ASB13: variants seen among roughly 807,000 people sequenced by gnomAD.
ASB13 encodes ankyrin repeat and SOCS box containing 13.
Under a neutral mutation model 28.8 loss-of-function variants are expected in ASB13, and 33 were observed. The ratio of observed to expected loss-of-function variants is 1.15; its 90% CI spans 0.87 to 1.53. ASB13 has a LOEUF of 1.53. Among genes scored for constraint, ASB13 ranks in the 40% most tolerant of loss-of-function variants. The probability of loss-of-function intolerance (pLI) is 0.00; values close to 1 mark genes in which losing one functional copy is unlikely to be tolerated. For missense variants in ASB13, 414 were observed against 390.1 expected, an observed-to-expected ratio of 1.06 and a Z score of -0.52; for synonymous variants, 182 against 172.9, an observed-to-expected ratio of 1.05 and a Z score of -0.41.
chr10:5,651,252 G>C lies in ASB13; in HGVS notation c.343C>G (p.Leu115Val). ...LSYGAKVNPP[L>V]YTASPLHEAC... ...TCGTGCAGGGGGGACGCTGTGTACAGGGGAGGGTTGACCTTGGCCCCGTAG... is the reference window on the plus strand; with the variant it reads ...TCGTGCAGGGGGGACGCTGTGTACACGGGAGGGTTGACCTTGGCCCCGTAG... The change falls in exon 3 of 6, where the codon CTG becomes GTG. Residue 115 changes from leucine (L) to valine (V), a missense_variant. Transcript: ENST00000357700. The surrounding 1 kb of genome is among the most constrained non-coding windows in gnomAD (Gnocchi z 5.1). 1.2e-6 allele frequency: 2 copies of C among 1,614,110 alleles called. No individual in the cohort carries two copies. Among genetic ancestry groups the C allele is most frequent in the Non-Finnish European group, 8.5e-7 (1 of 1,179,996 alleles).
rs764472515 is a variant in ASB13, at chr10:5,641,904, A to T, written c.575T>A (p.Val192Asp). 5.6e-6 allele frequency: 9 copies of T among 1,613,700 alleles called. No homozygotes were observed. The South Asian group carries it at 9.9e-5, about 18-fold the overall frequency. ...CATCTCGATGAGGTCAACATTCTTG[A>T]CCTTGGCCGCGTGGTGAAGGGCAGT... Reference protein sequence around the residue: ...HETALHHAAKVKNVDLIEMLI... With the variant: ...HETALHHAAKDKNVDLIEMLI... The change falls in exon 5 of 6, where the codon GTC becomes GAC. Residue 192 changes from valine (V) to aspartate (D), a missense_variant. Val to Asp is a radical substitution (Grantham distance 152, BLOSUM62 -3). Coordinates refer to ENST00000357700, the MANE Select transcript of ASB13 (RefSeq NM_024701.4). This position sits in a 1 kb window ranked among gnomAD's most constrained non-coding sequence, Gnocchi z 8.4.
At position 5,659,468 on chromosome 10, in the gene ASB13, C is replaced by T. The variant is rs867585034; in HGVS notation, c.44-6418G>A. On this transcript the variant is annotated intron_variant, in intron 1 of 5. Transcript: ENST00000357700. The surrounding 1 kb of genome is among the most constrained non-coding windows in gnomAD (Gnocchi z 5.8). ...CCAGGCTCCCCGTCATGCACACAGC[C>T]GTGTCCAGTGACACCAAACTCTACC... is the stretch of plus-strand genomic sequence containing the variant. Among the ~76,000 whole-genome samples the T allele has an allele frequency of 6.6e-6, 1 of 152,180 alleles. No homozygotes were observed. The highest frequency in any genetic ancestry group is 1.5e-5 in the Non-Finnish European group (1 of 68,024).
In ASB13 at chr10:5,651,316, G is replaced by A. The variant is rs775589907; in HGVS notation, c.279C>T (p.Cys93=). 25 of 1,613,478 alleles carry A rather than the reference G, an allele frequency of 1.5e-5. No individual in the cohort carries two copies. The highest frequency in any genetic ancestry group is 4.5e-5 in the East Asian group (2 of 44,850). Residue 93 remains cysteine (C), a synonymous_variant, in exon 3 of 6, where the codon TGC becomes TGT. Coordinates refer to ENST00000357700, the MANE Select transcript of ASB13 (RefSeq NM_024701.4). This position sits in a 1 kb window ranked among gnomAD's most constrained non-coding sequence, Gnocchi z 5.1. ...IDGSTPLCDA[C]ASGSIECVKL... ...TCACACACTCGATGCTGCCCGAGGC[G>A]CAGGCATCGCAGAGCGGGGTGCTGC...
chr10:5,658,656 C>T lies in ASB13; in HGVS notation c.44-5606G>A, dbSNP rs1014895509. Among the ~76,000 whole-genome samples, 2 of 152,146 alleles carry T rather than the reference C, an allele frequency of 1.3e-5. No individual in the cohort carries two copies. Among genetic ancestry groups the T allele is most frequent in the Non-Finnish European group, 2.9e-5 (2 of 68,024 alleles). ...TGTTACACAAAAATGTAAATGTACT[C>T]AACCCTACTGAAGTGGACACTTGAA... On this transcript the variant is annotated intron_variant, in intron 1 of 5. Coordinates refer to ENST00000357700, the MANE Select transcript of ASB13 (RefSeq NM_024701.4). The surrounding 1 kb of genome is among the most constrained non-coding windows in gnomAD (Gnocchi z 4.2).
At position 5,648,359 on chromosome 10, in the gene ASB13, G is replaced by C. The variant is rs539444927; in HGVS notation, c.517+611C>G. Among the ~76,000 whole-genome samples the C allele has an allele frequency of 1.5e-3, 127 of 83,344 alleles. 23 individuals carry two copies. The highest frequency in any genetic ancestry group is 2.1e-3 in the Non-Finnish European group (73 of 35,128). 54.7% of individuals were successfully genotyped at this position (83,344 alleles called of 152,430 possible). A position where few individuals can be genotyped will look rare whatever the true frequency, so the allele number is the denominator to read the frequency against. ...AACACCCACGTGGGCAACACCCACG[G>C]GGGTAAACACCCATGCAGGCAAACA... On this transcript the variant is annotated intron_variant, in intron 4 of 5. Transcript: ENST00000357700.
At position 5,664,585 on chromosome 10, in the gene ASB13, G is replaced by A. The variant is rs761159076; in HGVS notation, c.43+1924C>T. Among the ~76,000 whole-genome samples, 12 of 152,250 alleles carry A rather than the reference G, an allele frequency of 7.9e-5. No individual in the cohort carries two copies. The highest frequency in any genetic ancestry group is 1.3e-4 in the Non-Finnish European group (9 of 68,016). ...TCTACTGGAGGACCCTGGGGGGAAC[G>A]TACGGGGGAGTGGGGGAGCAGCCAG... is the stretch of plus-strand genomic sequence containing the variant. On this transcript the variant is annotated intron_variant, in intron 1 of 5. Transcript: ENST00000357700. This position sits in a 1 kb window ranked among gnomAD's most constrained non-coding sequence, Gnocchi z 4.2.
At chr10:5,662,532 A>AGTGGG (rs1238318808) in intron 1 of ASB13, among the ~76,000 whole-genome samples, 4 of 17,620 alleles carry the variant, frequency 2.3e-4, no homozygotes, top group East Asian at 1.1e-3. Flanking sequence ...TCTGTCGAGA[A>AGTGGG]GGGGGGGGGA....
At position 5,642,383 on chromosome 10, in the gene ASB13, G is replaced by A. The variant is rs1834822527; in HGVS notation, c.518-422C>T. The A allele has an allele frequency of 7.0e-6, 5 of 712,786 alleles. No individual in the cohort carries two copies. The South Asian group carries it at 7.4e-5, about 11-fold the overall frequency. 44.2% of individuals were successfully genotyped at this position (712,786 alleles called of 1,614,324 possible). On this transcript the variant is annotated intron_variant, in intron 4 of 5. Transcript: ENST00000357700. The surrounding 1 kb of genome is among the most constrained non-coding windows in gnomAD (Gnocchi z 4.1). The stretch of plus-strand genomic sequence containing the variant: ...CTGCTTCTTCCTCTTGCGGGCCCAG[G>A]ACGGAGGCTCCAGAAATACTGGTTG...
intron 4 of ASB13, among the ~76,000 whole-genome samples, chr10:5,646,599 A>G (rs1232934913): frequency 6.6e-6 from 1 of 152,224 alleles, no homozygotes; most frequent in Non-Finnish European, 1.5e-5. Flanking sequence ...CCTCCGGTCC[A>G]GCCGCCCCTA....
At position 5,660,637 on chromosome 10, in the gene ASB13, G is replaced by C. The variant is rs1835145274; in HGVS notation, c.43+5872C>G. Among the ~76,000 whole-genome samples the C allele has an allele frequency of 6.6e-6, 1 of 152,160 alleles. No homozygotes were observed. Among genetic ancestry groups the C allele is most frequent in the Admixed American group, 6.5e-5 (1 of 15,280 alleles). Reference sequence around the variant, plus strand: ...TCGTGCCTGGCCACCTGTAAATGCTGTGAGTAACAGGCACTGCCATGGCTC... The same window carrying C: ...TCGTGCCTGGCCACCTGTAAATGCTCTGAGTAACAGGCACTGCCATGGCTC... On this transcript the variant is annotated intron_variant, in intron 1 of 5. Transcript: ENST00000357700. The surrounding 1 kb of genome is among the most constrained non-coding windows in gnomAD (Gnocchi z 6.1).
rs1834846187 is a variant in ASB13, at chr10:5,644,017, A to T, written c.518-2056T>A. ...CATCTTTTCAAAATGTGTGTTTGGCATCATTTGATTGGGTGGAAGGGAAGG... is the reference window on the plus strand; with the variant it reads ...CATCTTTTCAAAATGTGTGTTTGGCTTCATTTGATTGGGTGGAAGGGAAGG... On this transcript the variant is annotated intron_variant, in intron 4 of 5. Transcript: ENST00000357700. The surrounding 1 kb of genome is among the most constrained non-coding windows in gnomAD (Gnocchi z 5.1). Among the ~76,000 whole-genome samples, 1 of 152,174 alleles carries T rather than the reference A, an allele frequency of 6.6e-6. No homozygotes were observed. The highest frequency in any genetic ancestry group is 1.5e-5 in the Non-Finnish European group (1 of 68,032).
At chr10:5,643,105 G>C (rs1371392906) in intron 4 of ASB13, among the ~76,000 whole-genome samples, 1 of 152,188 alleles carries the variant, frequency 6.6e-6, no homozygotes, top group Non-Finnish European at 1.5e-5. Context: ...ACAAATAAAA[G>C]AGAAGTGTTT....
chr10:5,658,926 G>C lies in ASB13; in HGVS notation c.44-5876C>G, dbSNP rs1265382807. On this transcript the variant is annotated intron_variant, in intron 1 of 5. Transcript: ENST00000357700. This position sits in a 1 kb window ranked among gnomAD's most constrained non-coding sequence, Gnocchi z 4.2. The stretch of plus-strand genomic sequence containing the variant: ...AAACCACCGATGGCCCTTCCAGGGG[G>C]CGAAGAGACCCACTCTCTTCATAAA... 3.9e-5 allele frequency among the ~76,000 whole-genome samples: 6 copies of C among 152,192 alleles called. No homozygotes were observed. The East Asian group carries it at 1.2e-3, about 29-fold the overall frequency.
intron 1 of ASB13, among the ~76,000 whole-genome samples, chr10:5,662,935 G>T (rs896123581): frequency 6.6e-6 from 1 of 151,730 alleles, no homozygotes; most frequent in African/African-American, 2.4e-5. Flanking sequence ...GAAACCCAAG[G>T]AAAAAAAATA....
intron 4 of ASB13, 105 bp downstream of exon 4, chr10:5,648,865 C>T (rs1834936471): frequency 6.4e-7 from 1 of 1,551,702 alleles, no homozygotes; most frequent in Non-Finnish European, 8.7e-7. Flanking sequence ...CGGGTAAACA[C>T]CCACTCGGGC....
At position 5,660,314 on chromosome 10, in the gene ASB13, G is replaced by A. The variant is rs892895418; in HGVS notation, c.43+6195C>T. ...CTTACTGGCTAGGACCGTGTGCCAG[G>A]TGTGGACCTTTCTGGACCCCAGCTC... On this transcript the variant is annotated intron_variant, in intron 1 of 5. Coordinates refer to ENST00000357700, the MANE Select transcript of ASB13 (RefSeq NM_024701.4). The surrounding 1 kb of genome is among the most constrained non-coding windows in gnomAD (Gnocchi z 6.1). Among the ~76,000 whole-genome samples the A allele has an allele frequency of 1.3e-5, 2 of 152,178 alleles. No individual in the cohort carries two copies. Among genetic ancestry groups the A allele is most frequent in the African/African-American group, 2.4e-5 (1 of 41,446 alleles).
rs534024598 is a variant in ASB13, at chr10:5,642,531, G to A, written c.518-570C>T. On this transcript the variant is annotated intron_variant, in intron 4 of 5. Coordinates refer to ENST00000357700, the MANE Select transcript of ASB13 (RefSeq NM_024701.4). This position sits in a 1 kb window ranked among gnomAD's most constrained non-coding sequence, Gnocchi z 4.1. ...GCTCTGCACTCCTCAACTTTCTCAC[G>A]ATAAGAGCAGACATTCATCAAGCTG... is the stretch of plus-strand genomic sequence containing the variant. 738 of 1,246,416 alleles carry A rather than the reference G, an allele frequency of 5.9e-4. No individual in the cohort carries two copies. The highest frequency in any genetic ancestry group is 6.8e-4 in the Non-Finnish European group (666 of 976,072). The allele number at this position is 1,246,416 out of a possible 1,614,324, so 77.2% of individuals were successfully genotyped here.
Position 5,645,712 on chromosome 10 carries a change from T to G in ASB13, c.517+3258A>C, listed in dbSNP as rs1310869476. 2.0e-5 allele frequency among the ~76,000 whole-genome samples: 3 copies of G among 152,064 alleles called. No homozygotes were observed. ...TGAGCCGATCAGAATTTGGCAAAGTTTGGGCAAAGGGACTGGGGAGGGGTG... is the reference window on the plus strand; with the variant it reads ...TGAGCCGATCAGAATTTGGCAAAGTGTGGGCAAAGGGACTGGGGAGGGGTG... On this transcript the variant is annotated intron_variant, in intron 4 of 5. Transcript: ENST00000357700. This position sits in a 1 kb window ranked among gnomAD's most constrained non-coding sequence, Gnocchi z 5.4.
intron 1 of ASB13, 112 bp from the exon 2 acceptor site, chr10:5,653,162 G>T: frequency 1.8e-6 from 2 of 1,116,656 alleles, no homozygotes; most frequent in Non-Finnish European, 2.5e-6. Context: ...CCGTGATCAT[G>T]CAATTGTCCC....
Sources: allele counts gnomAD v4.1 joint callset (sites outside exome capture counted in the v4.1 genomes callset), GRCh38; gene constraint gnomAD v4.1.1; non-coding constraint Gnocchi (gnomAD v3.1); transcripts MANE v1.5; gene names NCBI Gene and HGNC (gene_info 2026-07-23, HGNC 2026-07-21).